Variants in SRSF12 observed in about 807,000 individuals in gnomAD.
SRSF12 encodes the protein serine and arginine rich splicing factor 12, also known as serine/arginine-rich splicing factor 12.
A neutral mutation model predicts 34.1 loss-of-function variants in SRSF12; 21 were observed. That is an observed-to-expected ratio of 0.62 (90% confidence interval 0.44 to 0.89). The LOEUF (loss-of-function observed/expected upper bound fraction) is 0.89, where lower values mean the gene tolerates loss of function less well. SRSF12 is among the 40% of genes least tolerant of loss of function. The probability of loss-of-function intolerance (pLI) is 0.00; values close to 1 mark genes in which losing one functional copy is unlikely to be tolerated. For missense variants in SRSF12, 278 were observed against 327.8 expected, an observed-to-expected ratio of 0.85 and a Z score of 1.17; for synonymous variants, 111 against 110.8, an observed-to-expected ratio of 1.00 and a Z score of -0.01.
intron 1 of SRSF12, among the ~76,000 whole-genome samples, chr6:89,110,738 G>A (rs917832550): frequency 3.3e-5 from 5 of 152,158 alleles, no homozygotes; most frequent in African/African-American, 1.2e-4. Context: ...AAATTGGTAG[G>A]CTGGAGGGTA....
In SRSF12 at chr6:89,108,322, C is replaced by T. The variant is rs117246733; in HGVS notation, c.66-1064G>A. Among the ~76,000 whole-genome samples, 1,232 of 152,262 alleles carry T rather than the reference C, an allele frequency of 8.1e-3. 10 individuals carry two copies. The highest frequency in any genetic ancestry group is 0.013 in the Non-Finnish European group (880 of 68,014). Reference sequence around the variant, plus strand: ...TACAACCACTTAATTCTTACAATTTCCCTGTGGTTATTTACAGATGATACA... The same window carrying T: ...TACAACCACTTAATTCTTACAATTTTCCTGTGGTTATTTACAGATGATACA... On this transcript the variant is annotated intron_variant, in intron 1 of 4. Coordinates refer to ENST00000452027, the MANE Select transcript of SRSF12 (RefSeq NM_080743.5).
chr6:89,111,742 TTAAG>T (rs1769059425), intron 1 of SRSF12, among the ~76,000 whole-genome samples: 1 of 152,182 alleles, frequency 6.6e-6, no homozygotes, highest in Non-Finnish European at 1.5e-5. Flanking sequence ...TCTTTCATCA[TTAAG>T]TATGATGTTA....
chr6:89,099,464 GTGTGTGTATA>G (rs1768427149), intron 4 of SRSF12, among the ~76,000 whole-genome samples: 1 of 134,798 alleles, frequency 7.4e-6, no homozygotes, highest in Non-Finnish European at 1.5e-5. Flanking sequence ...GTGTATATAT[GTGTGTGTATA>G]TATATATGTG....
intron 2 of SRSF12, 117 bp downstream of exon 2, chr6:89,107,037 A>AG: frequency 2.8e-6 from 3 of 1,079,510 alleles, no homozygotes; most frequent in Non-Finnish European, 4.2e-6. Flanking sequence ...TCTGAGATAA[A>AG]GAAATAAACA....
chr6:89,103,987 ATTTCTTTTT>A (rs1768661651), intron 4 of SRSF12, among the ~76,000 whole-genome samples: 1 of 92,946 alleles, frequency 1.1e-5, no homozygotes, highest in Non-Finnish European at 2.1e-5. Context: ...ATTTTATTAT[ATTTCTTTTT>A]TTTTTTTTTT....
At chr6:89,102,987 A>G (rs57245975) in intron 4 of SRSF12, among the ~76,000 whole-genome samples, 9,554 of 152,128 alleles carry the variant, frequency 0.063, 868 homozygotes, top group African/African-American at 0.2. Flanking sequence ...CTGGTCTCTC[A>G]AATTCCTGGA....
intron 1 of SRSF12, among the ~76,000 whole-genome samples, chr6:89,115,637 T>C (rs1387072756): frequency 6.2e-5 from 9 of 145,106 alleles, no homozygotes; most frequent in African/African-American, 2.1e-4. Flanking sequence ...CTTTCTTTTT[T>C]TTTTTTTTTT....
chr6:89,099,695 C>T (rs1768450175), intron 4 of SRSF12, among the ~76,000 whole-genome samples: 1 of 151,886 alleles, frequency 6.6e-6, no homozygotes, highest in African/African-American at 2.4e-5. Context: ...GCCACCACGC[C>T]CAGCTAACTT....
rs530430187 is a variant in SRSF12 at position 89,099,470 on chromosome 6, GTA to G, written c.417-525_417-524del. ...TATATATGTGTGTATATATGTGTGT[GTA>G]TATATATATGTGTGTGTATATATAT... On this transcript the variant is annotated intron_variant, in intron 4 of 4. Transcript: ENST00000452027. Among the ~76,000 whole-genome samples, 89 of 137,782 alleles carry G rather than the reference GTA, an allele frequency of 6.5e-4. 1 individual carries two copies. Among genetic ancestry groups the G allele is most frequent in the African/African-American group, 2.3e-3 (73 of 32,246 alleles). The allele number at this position is 137,782 out of a possible 152,430, so 90.4% of individuals were successfully genotyped here.
At chr6:89,113,675 G>A (rs1317734788) in intron 1 of SRSF12, among the ~76,000 whole-genome samples, 4 of 151,992 alleles carry the variant, frequency 2.6e-5, no homozygotes, top group Non-Finnish European at 5.9e-5. Flanking sequence ...TTGAGACAGA[G>A]TCTCACTCTC....
At chr6:89,115,111 T>C (rs1334445021) in intron 1 of SRSF12, among the ~76,000 whole-genome samples, 2 of 151,634 alleles carry the variant, frequency 1.3e-5, no homozygotes, top group African/African-American at 2.4e-5. Flanking sequence ...TTTTATTTTT[T>C]TAGACTCTCT....
intron 4 of SRSF12, among the ~76,000 whole-genome samples, chr6:89,104,573 T>C (rs1768698583): frequency 6.6e-6 from 1 of 151,544 alleles, no homozygotes; most frequent in Admixed American, 6.6e-5. Flanking sequence ...TTCTGCTCAC[T>C]ATATATTATC....
rs951727659 is a variant in SRSF12, at chr6:89,096,029, A to G, written c.*2549T>C. 13 of 152,370 alleles carry G rather than the reference A, an allele frequency of 8.5e-5. No individual in the cohort carries two copies. The highest frequency in any genetic ancestry group is 2.6e-4 in the African/African-American group (11 of 41,588). The allele number at this position is 152,370 out of a possible 1,614,324, so 9.4% of individuals were successfully genotyped here. On this transcript the variant is annotated 3_prime_UTR_variant, in exon 5 of 5. Transcript: ENST00000452027. ...AAATGGGCCAAGAAACAATTCTATG[A>G]CAAAAGTGAACCCTGGAATATAGAT...
At chr6:89,116,249 A>C (rs1769289367) in intron 1 of SRSF12, among the ~76,000 whole-genome samples, 1 of 152,104 alleles carries the variant, frequency 6.6e-6, no homozygotes, top group Non-Finnish European at 1.5e-5. Flanking sequence ...GAAACCTCTG[A>C]TTTTTCTACA....
chr6:89,117,993 C>A lies in SRSF12; in HGVS notation c.-106G>T. On this transcript the variant is annotated 5_prime_UTR_variant, in exon 1 of 5. Transcript: ENST00000452027. ...GGAGCTCCGCCGGCCCCCGGCGCGA[C>A]CCCCACCCCTCGGCCTCAGCCCCGC... is the stretch of plus-strand genomic sequence containing the variant. The A allele has an allele frequency of 1.4e-5, 17 of 1,249,170 alleles. No homozygotes were observed. The highest frequency in any genetic ancestry group is 1.9e-5 in the Non-Finnish European group (17 of 915,248). The allele number at this position is 1,249,170 out of a possible 1,614,324, so 77.4% of individuals were successfully genotyped here.
rs537165097 is a variant in SRSF12, at chr6:89,105,059, A to T, written c.416+60T>A. On this transcript the variant is annotated intron_variant, in intron 4 of 4. Coordinates refer to ENST00000452027, the MANE Select transcript of SRSF12 (RefSeq NM_080743.5). ...GGAAACAATGAGACCCTATCAAAAAAATATATATCTATTTCCCAGAAAAAG... is the reference window on the plus strand; with the variant it reads ...GGAAACAATGAGACCCTATCAAAAATATATATATCTATTTCCCAGAAAAAG... 1.9e-5 allele frequency: 28 copies of T among 1,487,670 alleles called. No individual in the cohort carries two copies. The East Asian group carries it at 4.0e-4, about 21-fold the overall frequency. The allele number at this position is 1,487,670 out of a possible 1,614,324, so 92.2% of individuals were successfully genotyped here. A position where few individuals can be genotyped will look rare whatever the true frequency, so the allele number is the denominator to read the frequency against.
intron 1 of SRSF12, among the ~76,000 whole-genome samples, chr6:89,110,564 T>C (rs1007975897): frequency 1.3e-5 from 2 of 152,106 alleles, no homozygotes; most frequent in African/African-American, 2.4e-5. Context: ...TTTCCATTTT[T>C]TATCTGTAAT....
chr6:89,118,018 C>T lies in SRSF12; in HGVS notation c.-131G>A, dbSNP rs1271249719. On this transcript the variant is annotated 5_prime_UTR_variant, in exon 1 of 5. Transcript: ENST00000452027. The stretch of plus-strand genomic sequence containing the variant: ...CCCCCACCCCTCGGCCTCAGCCCCG[C>T]CAGCGCGCAGCCGCAGAGGCCGGCG... 16 of 943,700 alleles carry T rather than the reference C, an allele frequency of 1.7e-5. 1 individual carries two copies. Among genetic ancestry groups the T allele is most frequent in the Middle Eastern group, 3.4e-4 (1 of 2,960 alleles). 58.5% of individuals were successfully genotyped at this position (943,700 alleles called of 1,614,324 possible).
chr6:89,111,124 T>C (rs1044238577), intron 1 of SRSF12, among the ~76,000 whole-genome samples: 2 of 151,032 alleles, frequency 1.3e-5, no homozygotes, highest in South Asian at 4.2e-4. Context: ...TTTTTTTTTT[T>C]TGGAGATGGA....
Sources: allele counts gnomAD v4.1 joint callset (sites outside exome capture counted in the v4.1 genomes callset), GRCh38; gene constraint gnomAD v4.1.1; transcripts MANE v1.5; gene names NCBI Gene and HGNC (gene_info 2026-07-23, HGNC 2026-07-21).